The following TSG101 variants were observed in gnomAD, a reference collection of about 807,000 sequenced individuals.
TSG101 encodes tumor susceptibility gene 101 protein.
A neutral mutation model predicts 48.5 loss-of-function variants in TSG101; 19 were observed. The observed-to-expected ratio is 0.39, with a 90% CI of 0.27 to 0.58. TSG101 has a LOEUF of 0.58. Among genes scored for constraint, TSG101 ranks in the 20% least tolerant of loss-of-function variants. The pLI, the probability that TSG101 is intolerant of heterozygous loss-of-function variation, is 0.55. For synonymous variants in TSG101, 174 were observed against 169.4 expected (o/e 1.03, Z -0.21); for missense variants, 365 against 484.4 (o/e 0.75, Z 2.31).
intron 7 of TSG101, among the ~76,000 whole-genome samples, chr11:18,499,302 ATATATTTATT>A (rs1289843121): frequency 5.8e-5 from 5 of 86,174 alleles, no homozygotes; most frequent in African/African-American, 1.8e-4. Flanking sequence ...ATTTATATTT[ATATATTTATT>A]TATATATATT....
intron 1 of TSG101, 100 bp downstream of exon 1, chr11:18,526,674 GC>G: frequency 4.9e-6 from 7 of 1,422,574 alleles, no homozygotes; most frequent in Non-Finnish European, 5.7e-6. Flanking sequence ...GGGGCTTCCG[GC>G]CCGTCTGGGA....
chr11:18,501,126 G>C (rs1175048325), intron 7 of TSG101, among the ~76,000 whole-genome samples: 1 of 152,128 alleles, frequency 6.6e-6, no homozygotes, highest in Non-Finnish European at 1.5e-5. Flanking sequence ...TTTTAATTTA[G>C]TATCATCGCA....
intron 7 of TSG101, among the ~76,000 whole-genome samples, chr11:18,489,266 T>C (rs1481108508): frequency 6.6e-6 from 1 of 151,796 alleles, no homozygotes; most frequent in Admixed American, 6.6e-5. Flanking sequence ...CCCTACGTTG[T>C]CCAGGCTGGA....
intron 6 of TSG101, among the ~76,000 whole-genome samples, chr11:18,504,404 A>C (rs1407434202): frequency 1.3e-5 from 2 of 151,952 alleles, no homozygotes; most frequent in Non-Finnish European, 1.5e-5. Context: ...TCTCTTATAT[A>C]TCAGTATAAA....
chr11:18,516,145 G>C lies in TSG101; in HGVS notation c.147C>G (p.Ser49=). ...LDSYVFNDGS[S]RELMNLTGTI... is the part of the protein sequence containing the mutation. The stretch of plus-strand genomic sequence containing the variant: ...TTCCAGTGAGGTTCATTAGTTCCCT[G>C]GAACTGCCATCGTTAAAAACTGAAA... The change falls in exon 3 of 10, where the codon TCC becomes TCG. Residue 49 remains serine, a synonymous_variant. Transcript: ENST00000251968. 6.2e-7 allele frequency: 1 copy of C among 1,613,802 alleles called. No homozygotes were observed. Among genetic ancestry groups the C allele is most frequent in the Non-Finnish European group, 8.5e-7 (1 of 1,179,898 alleles).
intron 1 of TSG101, among the ~76,000 whole-genome samples, chr11:18,526,354 C>G (rs1335382443): frequency 2.6e-5 from 4 of 152,142 alleles, no homozygotes; most frequent in African/African-American, 7.2e-5. Flanking sequence ...TGCGGGTCGG[C>G]AAAAGAAAGG....
intron 1 of TSG101, among the ~76,000 whole-genome samples, chr11:18,520,122 C>G (rs576695006): frequency 1.3e-5 from 2 of 152,336 alleles, no homozygotes; most frequent in African/African-American, 4.8e-5. Context: ...TACTTTGTCT[C>G]TACAGATTTG....
intron 7 of TSG101, among the ~76,000 whole-genome samples, chr11:18,491,380 A>G (rs918716644): frequency 2.9e-4 from 44 of 152,204 alleles, no homozygotes; most frequent in African/African-American, 9.2e-4. Context: ...CAGGCAGTCA[A>G]TGGTGTCTAT....
chr11:18,491,467 G>T (rs1849700867), intron 7 of TSG101, among the ~76,000 whole-genome samples: 1 of 152,202 alleles, frequency 6.6e-6, no homozygotes, highest in African/African-American at 2.4e-5. Context: ...CATGCATAAT[G>T]ATACATACTG....
At chr11:18,512,723 A>ATTTTTTTTTT (rs776263228) in intron 4 of TSG101, among the ~76,000 whole-genome samples, 1 of 120,372 alleles carries the variant, frequency 8.3e-6, no homozygotes, top group Non-Finnish European at 1.7e-5. Context: ...GGACAGACAG[A>ATTTTTTTTTT]TTTTTTTTTT....
At chr11:18,486,874 T>A (rs545458163) in intron 7 of TSG101, among the ~76,000 whole-genome samples, 2 of 151,836 alleles carry the variant, frequency 1.3e-5, no homozygotes, top group African/African-American at 2.4e-5. Context: ...AACCCAAATG[T>A]CCAACAATGA....
At chr11:18,520,320 C>T (rs1204159166) in intron 1 of TSG101, among the ~76,000 whole-genome samples, 1 of 152,206 alleles carries the variant, frequency 6.6e-6, no homozygotes, top group Non-Finnish European at 1.5e-5. Flanking sequence ...AACTCCTGGG[C>T]TCAAGTGATT....
intron 1 of TSG101, chr11:18,525,703 C>G (rs944231668): frequency 1.9e-5 from 19 of 984,596 alleles, no homozygotes; most frequent in Non-Finnish European, 2.2e-5. Context: ...TCTTCTATAA[C>G]TAAGGATAAC....
chr11:18,489,698 T>G (rs529194571), intron 7 of TSG101, among the ~76,000 whole-genome samples: 2 of 152,318 alleles, frequency 1.3e-5, no homozygotes, highest in East Asian at 3.9e-4. Flanking sequence ...CATGAACTTT[T>G]GAGTGGCAAC....
chr11:18,480,992 C>T (rs1195191465), intron 9 of TSG101, among the ~76,000 whole-genome samples: 1 of 152,130 alleles, frequency 6.6e-6, no homozygotes, highest in East Asian at 1.9e-4. Context: ...TGGCCATTCC[C>T]CCACAGTGAG....
chr11:18,492,021 A>C (rs929765930), intron 7 of TSG101, among the ~76,000 whole-genome samples: 17 of 152,248 alleles, frequency 1.1e-4, no homozygotes, highest in Admixed American at 7.8e-4. Context: ...AAAGTCCTTT[A>C]AAGAAAGTGA....
chr11:18,501,539 G>A (rs927732006), intron 7 of TSG101, among the ~76,000 whole-genome samples: 2 of 152,102 alleles, frequency 1.3e-5, no homozygotes, highest in African/African-American at 4.8e-5. Flanking sequence ...TTGAAGTCAG[G>A]TAGTATGATG....
Position 18,483,015 on chromosome 11 carries a change from G to C in TSG101, c.843+855C>G, listed in dbSNP as rs1333947056. 4.1e-5 allele frequency among the ~76,000 whole-genome samples: 6 copies of C among 146,106 alleles called. No individual in the cohort carries two copies. The East Asian group carries it at 1.5e-3, about 38-fold the overall frequency. On this transcript the variant is annotated intron_variant, in intron 8 of 9. Transcript: ENST00000251968. ...CAACTTGAATTGTATCTCACAGAAA[G>C]GGACCTGTGTGCGTGTGTGTGTGTG... is the stretch of plus-strand genomic sequence containing the variant.
intron 4 of TSG101, among the ~76,000 whole-genome samples, chr11:18,512,286 A>G (rs1850096732): frequency 6.6e-6 from 1 of 152,028 alleles, no homozygotes. Flanking sequence ...GGCGCCTGTA[A>G]TCCCAGCTAC....
Sources: allele counts gnomAD v4.1 joint callset (sites outside exome capture counted in the v4.1 genomes callset), GRCh38; gene constraint gnomAD v4.1.1; transcripts MANE v1.5; gene names NCBI Gene and HGNC (gene_info 2026-07-23, HGNC 2026-07-21).